CDCA7L: variants seen among roughly 807,000 people sequenced by gnomAD.
CDCA7L encodes the protein cell division cycle associated 7 like.
A neutral mutation model predicts 57.4 loss-of-function variants in CDCA7L; 44 were observed. The observed-to-expected ratio is 0.77, with a 90% CI of 0.60 to 0.98. CDCA7L has a LOEUF of 0.98. Among genes scored for constraint, CDCA7L ranks in the 50% least tolerant of loss-of-function variants. The pLI is 0.00. For synonymous variants in CDCA7L, 236 were observed against 202.8 expected, an observed-to-expected ratio of 1.16 and a Z score of -1.39; for missense variants, 644 against 580.6, an observed-to-expected ratio of 1.11 and a Z score of -1.12.
chr7:21,929,059 A>G (rs944800365), intron 1 of CDCA7L, among the ~76,000 whole-genome samples: 1 of 152,220 alleles, frequency 6.6e-6, no homozygotes, highest in Non-Finnish European at 1.5e-5. Flanking sequence ...CCAGAGAGAA[A>G]GGTCAGGTTA....
At chr7:21,903,838 G>T (rs1785033327) in intron 8 of CDCA7L, 2 of 330,512 alleles carry the variant, frequency 6.1e-6, no homozygotes, top group Non-Finnish European at 1.1e-5. Flanking sequence ...CAGGTACAGG[G>T]ATTACTTGCA....
In CDCA7L at chr7:21,900,918, T is replaced by C; in HGVS notation, c.*1404A>G. 6.9e-7 allele frequency: 1 copy of C among 1,446,576 alleles called. No individual in the cohort carries two copies. Among genetic ancestry groups the C allele is most frequent in the South Asian group, 1.5e-5 (1 of 64,990 alleles). 89.6% of individuals were successfully genotyped at this position (1,446,576 alleles called of 1,614,324 possible). A position where few individuals can be genotyped will look rare whatever the true frequency, so the allele number is the denominator to read the frequency against. On this transcript the variant is annotated 3_prime_UTR_variant, in exon 10 of 10. Transcript: ENST00000406877. ...CAAAAATATGACAAAACCAGAATGT[T>C]GAATGTTTATTGCATCAAACAACTT...
At chr7:21,934,377 A>G (rs1786101410) in intron 1 of CDCA7L, among the ~76,000 whole-genome samples, 1 of 152,176 alleles carries the variant, frequency 6.6e-6, no homozygotes, top group African/African-American at 2.4e-5. Flanking sequence ...TTAGAATGTT[A>G]TATGTAATCT....
At chr7:21,916,536 A>G (rs975331477) in intron 2 of CDCA7L, among the ~76,000 whole-genome samples, 29 of 142,418 alleles carry the variant, frequency 2.0e-4, no homozygotes, top group Non-Finnish European at 9.3e-5. Flanking sequence ...AAAAAAAAAA[A>G]AAGAATTATG....
In CDCA7L at chr7:21,902,983, C is replaced by T. The variant is rs200783579; in HGVS notation, c.1329G>A (p.Leu443=). The T allele has an allele frequency of 2.5e-6, 4 of 1,613,828 alleles. No individual in the cohort carries two copies. The highest frequency in any genetic ancestry group is 3.4e-6 in the Non-Finnish European group (4 of 1,179,832). ...GCTGCTAGAGACTTACTTACCTCTC[C>T]AGATATTCCTTAACATTGTCATAAC... is the stretch of plus-strand genomic sequence containing the variant. ...FYGYDNVKEY[L]ESLQKELVED... The change falls in exon 9 of 10, where the codon CTG becomes CTA. Residue 443 remains leucine, a synonymous_variant. Coordinates refer to ENST00000406877, the MANE Select transcript of CDCA7L (RefSeq NM_018719.5).
In CDCA7L at chr7:21,901,847, TTGTTCAGTGTA is replaced by T. The variant is rs1316301612; in HGVS notation, c.*464_*474del. ...AAACTGTTCTACAGTTAATTGCACT[TTGTTCAGTGTA>T]AATTTCCAATGACCAAGAGCAGGTT... On this transcript the variant is annotated 3_prime_UTR_variant, in exon 10 of 10. Transcript: ENST00000406877. 1.1e-5 allele frequency: 2 copies of T among 175,658 alleles called. No homozygotes were observed. The highest frequency in any genetic ancestry group is 2.8e-4 in the East Asian group (2 of 7,094). The allele number at this position is 175,658 out of a possible 1,614,324, so 10.9% of individuals were successfully genotyped here.
At chr7:21,924,222 A>G (rs1220620622) in intron 1 of CDCA7L, among the ~76,000 whole-genome samples, 2 of 152,192 alleles carry the variant, frequency 1.3e-5, no homozygotes, top group East Asian at 1.9e-4. Flanking sequence ...GAGAAAGAAA[A>G]TAAGATTCAC....
In CDCA7L at chr7:21,901,409, ATACTAGAAACTAACTCAGGGC is replaced by A; in HGVS notation, c.*892_*912del. ...TCCTTAGAGTGAAAGTCAGAAAAAA[ATACTAGAAACTAACTCAGGGC>A]TGAGCGTGGTGGCACACGACTGTAA... On this transcript the variant is annotated 3_prime_UTR_variant, in exon 10 of 10. Transcript: ENST00000406877. The A allele has an allele frequency of 8.9e-6, 10 of 1,125,296 alleles. No homozygotes were observed. Among genetic ancestry groups the A allele is most frequent in the Non-Finnish European group, 1.2e-5 (10 of 856,304 alleles). 69.7% of individuals were successfully genotyped at this position (1,125,296 alleles called of 1,614,324 possible).
At position 21,906,413 on chromosome 7, in the gene CDCA7L, G is replaced by A. The variant is rs377604487; in HGVS notation, c.797C>T (p.Thr266Met). Residue 266 changes from threonine to methionine, a missense_variant, in exon 6 of 10, where the codon ACG (threonine) becomes ATG (methionine). Transcript: ENST00000406877. ...VRRAFSEGQI[T>M]RRMNPTRSAR... ...ACTCCGGGTTGGGTTCATACGCCGCGTGATCTGTCCCTCCGAGAAGGCCCG... is the reference window on the plus strand; with the variant it reads ...ACTCCGGGTTGGGTTCATACGCCGCATGATCTGTCCCTCCGAGAAGGCCCG... 4.3e-5 allele frequency: 69 copies of A among 1,612,752 alleles called. No homozygotes were observed. The highest frequency in any genetic ancestry group is 1.6e-4 in the Middle Eastern group (1 of 6,074).
At position 21,902,275 on chromosome 7, in the gene CDCA7L, T is replaced by TGTTGGAGTACTCTATGG. The variant is rs1562617354; in HGVS notation, c.*30_*46dup. 9.7e-6 allele frequency: 15 copies of TGTTGGAGTACTCTATGG among 1,551,880 alleles called. No homozygotes were observed. Among genetic ancestry groups the TGTTGGAGTACTCTATGG allele is most frequent in the Non-Finnish European group, 1.2e-5 (14 of 1,123,898 alleles). On this transcript the variant is annotated 3_prime_UTR_variant, in exon 10 of 10. Transcript: ENST00000406877. ...TTAGGCACCAATGGTATGCATGTCT[T>TGTTGGAGTACTCTATGG]GTTGGAGTACTCTATGGTGAGGTGG...
At chr7:21,928,506 G>A (rs546672994) in intron 1 of CDCA7L, among the ~76,000 whole-genome samples, 13 of 151,944 alleles carry the variant, frequency 8.6e-5, no homozygotes, top group African/African-American at 1.2e-4. Flanking sequence ...AAACTCCTCC[G>A]AGCTAAAGAA....
At chr7:21,935,270 T>TAACATATTCCTA (rs1786128858) in intron 1 of CDCA7L, among the ~76,000 whole-genome samples, 1 of 152,126 alleles carries the variant, frequency 6.6e-6, no homozygotes, top group Non-Finnish European at 1.5e-5. Flanking sequence ...GGAAATTAAA[T>TAACATATTCCTA]AACATATTCC....
chr7:21,928,298 A>C (rs909290306), intron 1 of CDCA7L, among the ~76,000 whole-genome samples: 1 of 152,184 alleles, frequency 6.6e-6, no homozygotes, highest in Admixed American at 6.5e-5. Flanking sequence ...CCCCATCCGA[A>C]GGTCACCAAC....
At chr7:21,933,620 G>T (rs1198350048) in intron 1 of CDCA7L, among the ~76,000 whole-genome samples, 1 of 152,058 alleles carries the variant, frequency 6.6e-6, no homozygotes, top group Non-Finnish European at 1.5e-5. Context: ...ACATGGACAT[G>T]GGAAGAGGAA....
chr7:21,902,891 G>T, intron 9 of CDCA7L, 87 bp downstream of exon 9: 1 of 1,270,454 alleles, frequency 7.9e-7, no homozygotes, highest in Non-Finnish European at 1.1e-6. Flanking sequence ...AGTCACACGG[G>T]AAGGCAACAA....
Position 21,901,072 on chromosome 7 carries a change from A to C in CDCA7L, c.*1250T>G, listed in dbSNP as rs1415418980. On this transcript the variant is annotated 3_prime_UTR_variant, in exon 10 of 10. Transcript: ENST00000406877. The stretch of plus-strand genomic sequence containing the variant: ...CCGTCTCAAGGAGCTGGCATGCCCT[A>C]TGCCGGTCATCTTTGCAAAAGCCAC... The C allele has an allele frequency of 6.2e-7, 1 of 1,613,938 alleles. No individual in the cohort carries two copies. Among genetic ancestry groups the C allele is most frequent in the African/African-American group, 1.3e-5 (1 of 75,066 alleles).
At chr7:21,921,234 A>G (rs1199331639) in intron 1 of CDCA7L, among the ~76,000 whole-genome samples, 1 of 151,860 alleles carries the variant, frequency 6.6e-6, no homozygotes, top group Non-Finnish European at 1.5e-5. Context: ...GAACAAAAGG[A>G]AAGAGCACAC....
chr7:21,902,325 A>T lies in CDCA7L; in HGVS notation c.1362T>A (p.Asn454Lys). 1 of 1,613,782 alleles carries T rather than the reference A, an allele frequency of 6.2e-7. No individual in the cohort carries two copies. The highest frequency in any genetic ancestry group is 8.5e-7 in the Non-Finnish European group (1 of 1,179,718). The change falls in exon 10 of 10, where the codon AAT (asparagine) becomes AAA (lysine). Residue 454 changes from asparagine (N) to lysine (K), a missense_variant. Asn to Lys is a moderately conservative substitution (Grantham distance 94). Coordinates refer to ENST00000406877, the MANE Select transcript of CDCA7L (RefSeq NM_018719.5). ...ESLQKELVED[N>K] ...GCTGGTTCTGTTTGTTTTCCTCTTA[A>T]TTGTCTTCTACCAGCTCCTTTTGTA...
intron 1 of CDCA7L, 63 bp downstream of exon 1, chr7:21,945,718 G>C (rs571511407): frequency 6.3e-6 from 10 of 1,589,620 alleles, no homozygotes; most frequent in African/African-American, 4.1e-5. Context: ...CAGCAGGACC[G>C]GGTGGCAAAG....
Sources: gnomAD v4.1 joint callset for allele counts (sites outside exome capture counted in the v4.1 genomes callset) on GRCh38, gnomAD v4.1.1 for gene constraint, MANE v1.5 for transcripts, NCBI Gene and HGNC (gene_info 2026-07-23, HGNC 2026-07-21) for gene names.